FMNL2: variants seen among roughly 807,000 people sequenced by gnomAD.
The protein encoded by FMNL2 is formin like 2, also known as formin-like protein 2.
In FMNL2, 51 loss-of-function variants were observed where a neutral mutation model predicts 130.2. That is an observed-to-expected ratio of 0.39 (90% CI 0.31 to 0.49). The LOEUF is 0.49. Among genes scored for constraint, FMNL2 ranks in the 20% least tolerant of loss-of-function variants. The probability of loss-of-function intolerance (pLI) is 0.85; values close to 1 mark genes in which losing one functional copy is unlikely to be tolerated. For missense variants in FMNL2, 977 were observed against 1,316.2 expected, an observed-to-expected ratio of 0.74 and a Z score of 3.99; for synonymous variants, 465 against 467.1, an observed-to-expected ratio of 1.00 and a Z score of 0.06.
intron 1 of FMNL2, among the ~76,000 whole-genome samples, chr2:152,455,757 C>G (rs1688914289): frequency 6.6e-6 from 1 of 152,170 alleles, no homozygotes; most frequent in African/African-American, 2.4e-5. Flanking sequence ...TTCTGTCACC[C>G]CGCCTAGAGT....
intron 1 of FMNL2, among the ~76,000 whole-genome samples, chr2:152,513,445 T>G (rs191183276): frequency 6.6e-6 from 1 of 152,322 alleles, no homozygotes; most frequent in Non-Finnish European, 1.5e-5. Flanking sequence ...CATCTCTTCA[T>G]GTCCCCCTGA....
At chr2:152,491,336 G>T (rs1027672036) in intron 1 of FMNL2, among the ~76,000 whole-genome samples, 2 of 152,142 alleles carry the variant, frequency 1.3e-5, no homozygotes, top group Non-Finnish European at 2.9e-5. Flanking sequence ...CGGGTAGGGT[G>T]AGTGGAAGCT....
intron 17 of FMNL2, 135 bp downstream of exon 17, chr2:152,626,862 C>G (rs1440491828): frequency 3.3e-6 from 3 of 896,932 alleles, no homozygotes; most frequent in African/African-American, 3.4e-5. Flanking sequence ...TTGATATCCA[C>G]ACTTGAGAGA....
chr2:152,573,651 T>C (rs181254311), intron 6 of FMNL2, among the ~76,000 whole-genome samples: 2 of 152,314 alleles, frequency 1.3e-5, no homozygotes, highest in Admixed American at 6.5e-5. Context: ...TATAATGTTA[T>C]TATTTTAGAC....
chr2:152,375,370 G>A (rs562751332), intron 1 of FMNL2, among the ~76,000 whole-genome samples: 144 of 152,322 alleles, frequency 9.5e-4, no homozygotes, highest in Admixed American at 1.4e-3. Context: ...TGCCAACCTT[G>A]AATGCTCATG....
intron 1 of FMNL2, chr2:152,390,281 GC>G: frequency 7.2e-7 from 1 of 1,386,120 alleles, no homozygotes; most frequent in South Asian, 1.2e-5. Flanking sequence ...TCAAGGGGCA[GC>G]CAGCAATCAT....
chr2:152,491,681 T>C (rs1691203139), intron 1 of FMNL2, among the ~76,000 whole-genome samples: 1 of 152,244 alleles, frequency 6.6e-6, no homozygotes, highest in South Asian at 2.1e-4. Context: ...CAGGGTGTGA[T>C]GGCTCATGCC....
At chr2:152,509,603 C>G (rs908686842) in intron 1 of FMNL2, among the ~76,000 whole-genome samples, 6 of 151,860 alleles carry the variant, frequency 4.0e-5, no homozygotes, top group African/African-American at 1.5e-4. Flanking sequence ...AAGGTCACCC[C>G]AAACATGGTA....
intron 1 of FMNL2, among the ~76,000 whole-genome samples, chr2:152,390,913 A>C (rs953040325): frequency 6.6e-6 from 1 of 152,232 alleles, no homozygotes; most frequent in African/African-American, 2.4e-5. Context: ...AGATTAAGGT[A>C]ATTGTTCTGT....
chr2:152,525,997 C>T (rs1025224007), intron 2 of FMNL2, among the ~76,000 whole-genome samples: 16 of 152,086 alleles, frequency 1.1e-4, no homozygotes, highest in African/African-American at 2.7e-4. Flanking sequence ...TACTGGAGAA[C>T]GTGCATCAAT....
chr2:152,614,316 G>A (rs537128633), intron 11 of FMNL2, among the ~76,000 whole-genome samples: 1 of 152,372 alleles, frequency 6.6e-6, no homozygotes, highest in South Asian at 2.1e-4. Context: ...GGGGGAAAAT[G>A]TGTGTGCATT....
At chr2:152,444,102 A>G (rs944441263) in intron 1 of FMNL2, among the ~76,000 whole-genome samples, 3 of 152,218 alleles carry the variant, frequency 2.0e-5, no homozygotes, top group African/African-American at 7.2e-5. Flanking sequence ...GGGTCAGGAC[A>G]GAAACTGACT....
At chr2:152,647,495 C>CTAAT (rs202123544) in intron 25 of FMNL2, among the ~76,000 whole-genome samples, 1,642 of 152,268 alleles carry the variant, frequency 0.011, 12 homozygotes, top group Non-Finnish European at 0.016. Flanking sequence ...ACAGCTGCTT[C>CTAAT]TAATTTAAGA....
chr2:152,497,967 C>T (rs915844487), intron 1 of FMNL2, among the ~76,000 whole-genome samples: 2 of 152,184 alleles, frequency 1.3e-5, no homozygotes, highest in African/African-American at 2.4e-5. Flanking sequence ...CCCACATGAC[C>T]TCTCCCTGGT....
intron 6 of FMNL2, among the ~76,000 whole-genome samples, chr2:152,572,936 G>A (rs1002844671): frequency 3.3e-5 from 5 of 152,100 alleles, no homozygotes; most frequent in African/African-American, 1.2e-4. Context: ...CCATGGCACA[G>A]TCCCTAAAAT....
chr2:152,481,755 A>T (rs756695409), intron 1 of FMNL2, among the ~76,000 whole-genome samples: 8 of 152,212 alleles, frequency 5.3e-5, no homozygotes, highest in Non-Finnish European at 1.2e-4. Context: ...ATAATGTCAG[A>T]TCTTCTAGGA....
At chr2:152,645,434 C>T (rs768308758) in intron 25 of FMNL2, 86 of 1,286,700 alleles carry the variant, frequency 6.7e-5, no homozygotes, top group Non-Finnish European at 8.6e-5. Context: ...TTCTGTTTAG[C>T]CTTAAAGAAG....
intron 1 of FMNL2, among the ~76,000 whole-genome samples, chr2:152,435,763 CA>C (rs1388243463): frequency 6.6e-6 from 1 of 152,210 alleles, no homozygotes; most frequent in Non-Finnish European, 1.5e-5. Context: ...AATAGTTTAA[CA>C]AACCAAATTG....
intron 1 of FMNL2, among the ~76,000 whole-genome samples, chr2:152,403,524 C>T (rs998610345): frequency 2.7e-5 from 4 of 150,522 alleles, no homozygotes; most frequent in African/African-American, 9.7e-5. Context: ...GAGCTCCTTA[C>T]TTGGCTTCTG....
Sources: allele counts gnomAD v4.1 joint callset (sites outside exome capture counted in the v4.1 genomes callset), GRCh38; gene constraint gnomAD v4.1.1; transcripts MANE v1.5; gene names NCBI Gene and HGNC (gene_info 2026-07-23, HGNC 2026-07-21).